The following ROBO1 variants were observed in gnomAD, a reference collection of about 807,000 sequenced individuals.
ROBO1 encodes the protein roundabout homolog 1.
In ROBO1, 149 loss-of-function variants were observed where a neutral mutation model predicts 195.9. That is an observed-to-expected ratio of 0.76 (90% CI 0.67 to 0.87). The LOEUF is 0.87. Among genes scored for constraint, ROBO1 ranks in the 40% least tolerant of loss-of-function variants. ROBO1 has a pLI of 0.00. For synonymous variants in ROBO1, 816 were observed against 733.2 expected, an observed-to-expected ratio of 1.11 and a Z score of -1.82; for missense variants, 1,933 against 2,068.3, an observed-to-expected ratio of 0.93 and a Z score of 1.27.
At chr3:78,822,389 A>G (rs2031093282) in intron 4 of ROBO1, among the ~76,000 whole-genome samples, 1 of 152,172 alleles carries the variant, frequency 6.6e-6, no homozygotes, top group Non-Finnish European at 1.5e-5. Context: ...GCCTTGAATC[A>G]AGCCAATATT....
intron 4 of ROBO1, among the ~76,000 whole-genome samples, chr3:78,828,938 T>C (rs2031892883): frequency 6.6e-6 from 1 of 152,206 alleles, no homozygotes; most frequent in African/African-American, 2.4e-5. Flanking sequence ...AAAACTTTCA[T>C]ATATTCTCAT....
At chr3:79,306,697 G>C (rs2033238940) in intron 2 of ROBO1, among the ~76,000 whole-genome samples, 1 of 152,186 alleles carries the variant, frequency 6.6e-6, no homozygotes, top group Non-Finnish European at 1.5e-5. Context: ...TATATGATAA[G>C]GTAGTTTGAA....
At position 78,699,682 on chromosome 3, in the gene ROBO1, A is replaced by C. The variant is rs999349059; in HGVS notation, c.1046-10910T>G. Reference sequence around the variant, plus strand: ...AACATGGTCCTATTGCTTTTAAAATAGAAAACTAAATTCTTAACGTGGCCT... The same window carrying C: ...AACATGGTCCTATTGCTTTTAAAATCGAAAACTAAATTCTTAACGTGGCCT... On this transcript the variant is annotated intron_variant, in intron 8 of 30. Coordinates refer to ENST00000464233, the MANE Select transcript of ROBO1 (RefSeq NM_002941.4). Among the ~76,000 whole-genome samples, 20 of 152,000 alleles carry C rather than the reference A, an allele frequency of 1.3e-4. 1 individual carries two copies. The highest frequency in any genetic ancestry group is 3.3e-4 in the Admixed American group (5 of 15,258).
At chr3:78,964,404 A>G (rs1311064695) in intron 3 of ROBO1, among the ~76,000 whole-genome samples, 1 of 152,194 alleles carries the variant, frequency 6.6e-6, no homozygotes, top group Middle Eastern at 3.2e-3. Flanking sequence ...AAAGGGAACA[A>G]GCCTAGCCTG....
intron 2 of ROBO1, among the ~76,000 whole-genome samples, chr3:79,431,392 G>A (rs1163958112): frequency 6.6e-6 from 1 of 152,064 alleles, no homozygotes; most frequent in Non-Finnish European, 1.5e-5. Context: ...GGTCCCCCAA[G>A]TTTCTTGGCT....
intron 4 of ROBO1, among the ~76,000 whole-genome samples, chr3:78,756,128 C>T (rs2082923766): frequency 6.6e-6 from 1 of 151,908 alleles, no homozygotes; most frequent in Non-Finnish European, 1.5e-5. Flanking sequence ...ATGTATAATA[C>T]AGACACGTGA....
At chr3:78,991,517 G>A (rs1439519098) in intron 3 of ROBO1, among the ~76,000 whole-genome samples, 6 of 152,152 alleles carry the variant, frequency 3.9e-5, no homozygotes, top group Non-Finnish European at 5.9e-5. Context: ...TTTACCTCCA[G>A]CAAAAATAGC....
At chr3:78,957,202 C>A (rs1009272367) in intron 3 of ROBO1, among the ~76,000 whole-genome samples, 8 of 150,970 alleles carry the variant, frequency 5.3e-5, no homozygotes, top group African/African-American at 1.7e-4. Flanking sequence ...AAAATTGAAC[C>A]TTTGTTAACT....
At chr3:79,364,241 TATATATATATACATATATATAC>T (rs2035880072) in intron 2 of ROBO1, among the ~76,000 whole-genome samples, 6 of 146,910 alleles carry the variant, frequency 4.1e-5, no homozygotes, top group Non-Finnish European at 8.9e-5. Context: ...TGTGTGTATA[TATATATATATACATATATATAC>T]ACACACACAT....
chr3:79,086,016 A>G (rs1286450725), intron 3 of ROBO1, among the ~76,000 whole-genome samples: 1 of 152,192 alleles, frequency 6.6e-6, no homozygotes, highest in African/African-American at 2.4e-5. Context: ...GAGCCTATTA[A>G]CGGCCAGCTA....
At chr3:78,746,310 T>C (rs148272115) in intron 5 of ROBO1, among the ~76,000 whole-genome samples, 5 of 152,218 alleles carry the variant, frequency 3.3e-5, no homozygotes, top group African/African-American at 1.2e-4. Flanking sequence ...TTGAACACTA[T>C]AGAACAGAAA....
intron 4 of ROBO1, among the ~76,000 whole-genome samples, chr3:78,913,158 G>A (rs566444754): frequency 6.6e-6 from 1 of 152,022 alleles, no homozygotes; most frequent in Non-Finnish European, 1.5e-5. Context: ...TTTCTACGAT[G>A]GAATAAATGG....
intron 3 of ROBO1, among the ~76,000 whole-genome samples, chr3:79,019,619 G>T (rs2078055787): frequency 6.6e-6 from 1 of 152,064 alleles, no homozygotes; most frequent in Admixed American, 6.6e-5. Context: ...CCATCCACAA[G>T]CCAGGGGTGC....
intron 2 of ROBO1, among the ~76,000 whole-genome samples, chr3:79,264,664 C>T (rs905650137): frequency 3.3e-5 from 5 of 151,862 alleles, no homozygotes; most frequent in Non-Finnish European, 7.4e-5. Flanking sequence ...GAATAGGATA[C>T]TTGACTAAAG....
At chr3:79,430,012 CT>C (rs199835085) in intron 2 of ROBO1, among the ~76,000 whole-genome samples, 1,620 of 151,678 alleles carry the variant, frequency 0.011, 30 homozygotes, top group African/African-American at 0.037. Flanking sequence ...CCTTTTTTAA[CT>C]TTTTTATTGT....
At chr3:78,769,482 ATGGT>A (rs1416371546) in intron 4 of ROBO1, among the ~76,000 whole-genome samples, 1 of 152,068 alleles carries the variant, frequency 6.6e-6, no homozygotes, top group Non-Finnish European at 1.5e-5. Context: ...AAGGCAGTAG[ATGGT>A]TGGTGAGTTC....
intron 14 of ROBO1, among the ~76,000 whole-genome samples, chr3:78,666,097 C>T (rs1707718347): frequency 6.6e-6 from 1 of 152,070 alleles, no homozygotes; most frequent in African/African-American, 2.4e-5. Context: ...GCTTTGCTCA[C>T]TTTTGCTCGG....
At chr3:79,299,307 C>G (rs1056304939) in intron 2 of ROBO1, among the ~76,000 whole-genome samples, 1 of 152,160 alleles carries the variant, frequency 6.6e-6, no homozygotes. Flanking sequence ...GCAACATTAA[C>G]TAGAGTGTAA....
At chr3:78,651,538 A>G (rs997666758) in intron 19 of ROBO1, among the ~76,000 whole-genome samples, 194 bp downstream of exon 19, 1 of 152,016 alleles carries the variant, frequency 6.6e-6, no homozygotes. Flanking sequence ...AAACTAATAA[A>G]CTCTATTTGT....
Sources: gnomAD v4.1 joint callset for allele counts (sites outside exome capture counted in the v4.1 genomes callset) on GRCh38, gnomAD v4.1.1 for gene constraint, MANE v1.5 for transcripts, NCBI Gene and HGNC (gene_info 2026-07-23, HGNC 2026-07-21) for gene names.